Variants in ZNF75A observed in about 807,000 individuals in gnomAD.
ZNF75A encodes zinc finger protein 75A.
A neutral mutation model predicts 46.3 loss-of-function variants in ZNF75A; 36 were observed. That is an observed-to-expected ratio of 0.78 (90% CI 0.60 to 1.03). The LOEUF (loss-of-function observed/expected upper bound fraction) is 1.03. Ranked by LOEUF, ZNF75A falls within the 50% of genes least tolerant of loss-of-function variation. The pLI, the probability that ZNF75A is intolerant of heterozygous loss-of-function variation, is 0.00. For missense variants in ZNF75A, 595 were observed against 551.3 expected (o/e 1.08, Z -0.79); for synonymous variants, 234 against 189.9 (o/e 1.23, Z -1.91).
intron 2 of ZNF75A, chr16:3,309,243 G>C (rs927053237): frequency 9.2e-5 from 14 of 152,116 alleles, no homozygotes; most frequent in Admixed American, 2.6e-4. Flanking sequence ...GATCACCTGA[G>C]GTCAGGAGTT....
At chr16:3,315,175 A>G (rs991816807) in intron 5 of ZNF75A, 1 of 761,114 alleles carries the variant, frequency 1.3e-6, no homozygotes, top group African/African-American at 1.9e-5. Flanking sequence ...CAGGGCAAAC[A>G]AAGTACTGTC....
downstream of ZNF75A, chr16:3,318,868 G>A (rs1324019813): frequency 1.2e-5 from 12 of 981,796 alleles, no homozygotes; most frequent in Non-Finnish European, 1.5e-5. Context: ...TGTTGGGCGA[G>A]GATGAGCAAA....
At chr16:3,320,718 G>C (rs79256274), downstream of ZNF75A, among the ~76,000 whole-genome samples, 1 of 152,322 alleles carries the variant, frequency 6.6e-6, no homozygotes, top group Middle Eastern at 3.4e-3. Flanking sequence ...GGGTTAGGGG[G>C]TAGGGATTGC....
chr16:3,314,604 C>T lies in ZNF75A; in HGVS notation c.823+1429C>T, dbSNP rs77892483. On this transcript the variant is annotated intron_variant, in intron 5 of 6. Coordinates refer to ENST00000669516, the MANE Select transcript of ZNF75A (RefSeq NM_001302109.2). ...CCCTTGGCTCCTTTTCTTCTGCCTT[C>T]GCCCCCGTGGGCCCCCGCCTTTTTT... is the stretch of plus-strand genomic sequence containing the variant. The T allele has an allele frequency of 5.7e-3, 5,291 of 922,310 alleles. 273 individuals are homozygous for T. In the African/African-American group the frequency reaches 0.088, roughly 15 times the overall value. 57.1% of individuals were successfully genotyped at this position (922,310 alleles called of 1,614,324 possible).
At position 3,312,758 on chromosome 16, in the gene ZNF75A, C is replaced by T. The variant is rs1267637328; in HGVS notation, c.686C>T (p.Pro229Leu). The change falls in exon 4 of 7, where the codon CCT (proline) becomes CTT (leucine). Residue 229 changes from proline (P) to leucine (L), a missense_variant. Physicochemically the swap from Pro to Leu is moderately conservative, Grantham distance 98. Transcript: ENST00000669516. ...ACAGTGACACCTGAGCACGTCTTGCCTGAGTCCCAGGTGAGCTGTGCTTTC... is the reference window on the plus strand; with the variant it reads ...ACAGTGACACCTGAGCACGTCTTGCTTGAGTCCCAGGTGAGCTGTGCTTTC... The part of the protein sequence containing the change: ...DWTVTPEHVL[P>L]ESQSLLTFEE... 33 of 1,088,628 alleles carry T rather than the reference C, an allele frequency of 3.0e-5. No homozygotes were observed. The highest frequency in any genetic ancestry group is 3.6e-5 in the Non-Finnish European group (32 of 895,624). 67.4% of individuals were successfully genotyped at this position (1,088,628 alleles called of 1,614,324 possible). A position where few individuals can be genotyped will look rare whatever the true frequency, so the allele number is the denominator to read the frequency against.
At chr16:3,322,822 A>T (rs1181875853), downstream of ZNF75A, 2 of 781,782 alleles carry the variant, frequency 2.6e-6, no homozygotes, top group Admixed American at 6.2e-5. Context: ...CTCCAGATTC[A>T]ATTATGTCCC....
chr16:3,318,448 A>G lies in ZNF75A; in HGVS notation c.*579A>G, dbSNP rs1961390462. ...ATTAATGCACTGTCTTATGCCTCTC[A>G]TTGGTGATGTTTGGAAAATAGAAGA... On this transcript the variant is annotated 3_prime_UTR_variant, in exon 7 of 7. Coordinates refer to ENST00000669516, the MANE Select transcript of ZNF75A (RefSeq NM_001302109.2). 1 of 985,306 alleles carries G rather than the reference A, an allele frequency of 1.0e-6. No individual in the cohort carries two copies. The highest frequency in any genetic ancestry group is 1.7e-5 in the African/African-American group (1 of 57,216). The allele number at this position is 985,306 out of a possible 1,614,324, so 61.0% of individuals were successfully genotyped here.
rs1386085373 is a variant in ZNF75A, at chr16:3,311,854, A to G, written c.510A>G (p.Val170=). The change falls in exon 3 of 7, where the codon GTA becomes GTG. Residue 170 remains valine (V), a synonymous_variant. Coordinates refer to ENST00000669516, the MANE Select transcript of ZNF75A (RefSeq NM_001302109.2). ...CAACAGAGTCCCAACCAGTGGGCGT[A>G]TCCCAAGATGAAGAATTTTGGAATA... ...LKPTESQPVG[V]SQDEEFWNTY... 4 of 1,037,354 alleles carry G rather than the reference A, an allele frequency of 3.9e-6. No homozygotes were observed. Among genetic ancestry groups the G allele is most frequent in the African/African-American group, 1.7e-5 (1 of 58,748 alleles). 64.3% of individuals were successfully genotyped at this position (1,037,354 alleles called of 1,614,324 possible).
At chr16:3,315,095 C>G in intron 5 of ZNF75A, 1 of 985,218 alleles carries the variant, frequency 1.0e-6, no homozygotes, top group African/African-American at 1.7e-5. Flanking sequence ...CCTTCCCTTT[C>G]CCTTTCCCCA....
chr16:3,305,903 C>G (rs1394138121), intron 1 of ZNF75A: 1 of 152,270 alleles, frequency 6.6e-6, no homozygotes, highest in Non-Finnish European at 1.5e-5. Context: ...GTCGCAGACA[C>G]AGGCTGTGGC....
intron 1 of ZNF75A, chr16:3,307,034 C>T (rs1412756803): frequency 1.3e-5 from 2 of 151,896 alleles, no homozygotes; most frequent in Non-Finnish European, 2.9e-5. Context: ...TCACTGCAGC[C>T]TTCACCTCCC....
rs1961278057 is a variant in ZNF75A at position 3,317,182 on chromosome 16, T to A, written c.935-8T>A. 6.2e-7 allele frequency: 1 copy of A among 1,600,398 alleles called. No individual in the cohort carries two copies. Among genetic ancestry groups the A allele is most frequent in the Admixed American group, 1.7e-5 (1 of 57,272 alleles). On this transcript the variant is annotated splice_region_variant and splice_polypyrimidine_tract_variant and intron_variant, in intron 6 of 6. Coordinates refer to ENST00000669516, the MANE Select transcript of ZNF75A (RefSeq NM_001302109.2). ...GATACAGATGTGTGATTATGTTTAT[T>A]CCAACAGGGTTAAAGCTCAAAAACG...
Position 3,317,824 on chromosome 16 carries a change from C to T in ZNF75A, c.1569C>T (p.Phe523=). Residue 523 remains phenylalanine, a synonymous_variant, in exon 7 of 7, where the codon TTC becomes TTT. Coordinates refer to ENST00000669516, the MANE Select transcript of ZNF75A (RefSeq NM_001302109.2). The part of the protein sequence containing the change: ...PYTCSICRRN[F]SRRSSLLRHQ... ...CTTGTAGCATATGCAGGAGAAACTT[C>T]AGCAGGCGGTCAAGCCTTCTTAGAC... The T allele has an allele frequency of 1.9e-6, 3 of 1,613,550 alleles. No homozygotes were observed. Among genetic ancestry groups the T allele is most frequent in the East Asian group, 2.2e-5 (1 of 44,878 alleles).
chr16:3,317,115 C>A (rs1457886507), intron 6 of ZNF75A, 75 bp from the exon 7 acceptor site: 1 of 1,526,026 alleles, frequency 6.6e-7, no homozygotes, highest in Non-Finnish European at 8.9e-7. Flanking sequence ...TTTTTTTAAT[C>A]ATTGAATTTT....
chr16:3,316,879 C>T (rs745453633), intron 5 of ZNF75A, 33 bp from the exon 6 acceptor site: 66 of 1,465,200 alleles, frequency 4.5e-5, no homozygotes, highest in Middle Eastern at 3.5e-4. Context: ...TGTTAAGTTA[C>T]CAGTCCTTGA....
In ZNF75A at chr16:3,308,458, G is replaced by A. The variant is rs541281123; in HGVS notation, c.30G>A (p.Ala10=). 78 of 985,848 alleles carry A rather than the reference G, an allele frequency of 7.9e-5. 1 individual carries two copies. The East Asian group carries it at 1.7e-3, about 22-fold the overall frequency. The allele number at this position is 985,848 out of a possible 1,614,324, so 61.1% of individuals were successfully genotyped here. The change falls in exon 2 of 7, where the codon GCG becomes GCA. Residue 10 remains alanine, a synonymous_variant. Transcript: ENST00000669516. MMMVDLKVA[A]YLDPQIRALW... is the part of the protein sequence containing the mutation. ...TGATGGTAGATCTGAAAGTGGCTGC[G>A]TACTTGGACCCTCAGATCAGGGCTT...
At chr16:3,307,133 A>G (rs969240747) in intron 1 of ZNF75A, 2 of 150,910 alleles carry the variant, frequency 1.3e-5, no homozygotes, top group African/African-American at 5.0e-5. Flanking sequence ...TGTGTTTACA[A>G]TAAAGAAGGT....
intron 1 of ZNF75A, chr16:3,307,203 G>C (rs1257246577): frequency 6.6e-6 from 1 of 152,170 alleles, no homozygotes; most frequent in East Asian, 1.9e-4. Context: ...ACCCACGTCA[G>C]GCCTCCCAAA....
chr16:3,306,396 C>T (rs1960242760), intron 1 of ZNF75A: 1 of 152,152 alleles, frequency 6.6e-6, no homozygotes, highest in African/African-American at 2.4e-5. Flanking sequence ...CTGTAATTTT[C>T]TCCAGATCAA....
Sources: allele counts gnomAD v4.1 joint callset (sites outside exome capture counted in the v4.1 genomes callset), GRCh38; gene constraint gnomAD v4.1.1; transcripts MANE v1.5; gene names NCBI Gene and HGNC (gene_info 2026-07-23, HGNC 2026-07-21).